SLC25A25: variants seen among roughly 807,000 people sequenced by gnomAD.
The protein encoded by SLC25A25 is mitochondrial adenyl nucleotide antiporter SLC25A25.
In SLC25A25, 32 loss-of-function variants were observed where a neutral mutation model predicts 57.7. That is an observed-to-expected ratio of 0.55 (90% CI 0.42 to 0.74). SLC25A25 has a LOEUF of 0.74. Ranked by LOEUF, SLC25A25 falls within the 30% of genes least tolerant of loss-of-function variation. The pLI, the probability that SLC25A25 is intolerant of heterozygous loss-of-function variation, is 0.00. For synonymous variants in SLC25A25, 306 were observed against 291.2 expected (o/e 1.05, Z -0.52); for missense variants, 556 against 701.3 (o/e 0.79, Z 2.34).
chr9:128,096,047 C>T (rs1296930517), intron 1 of SLC25A25, among the ~76,000 whole-genome samples: 1 of 152,062 alleles, frequency 6.6e-6, no homozygotes, highest in Non-Finnish European at 1.5e-5. Flanking sequence ...ATGAGATATT[C>T]AACAGATCTG....
chr9:128,081,775 T>A (rs931362132), intron 1 of SLC25A25, among the ~76,000 whole-genome samples: 1 of 151,842 alleles, frequency 6.6e-6, no homozygotes, highest in African/African-American at 2.4e-5. Context: ...CAAAAAATTT[T>A]AAAAAATTAG....
Position 128,068,341 on chromosome 9 carries a change from C to A in SLC25A25, c.22C>A (p.Arg8Ser). ...CCCGATGGTGAGCAGTGTGTTGTGC[C>A]GCTGTGTGGCCTCCCCGCCGCCGGA... MVSSVLC[R>S]CVASPPPDAA... The change falls in exon 1 of 11, where the codon CGC becomes AGC. Residue 8 changes from arginine (R) to serine (S), a missense_variant. Coordinates refer to ENST00000373069, the MANE Select transcript of SLC25A25 (RefSeq NM_001330988.2). 6.5e-7 allele frequency: 1 copy of A among 1,531,588 alleles called. No individual in the cohort carries two copies. Among genetic ancestry groups the A allele is most frequent in the Non-Finnish European group, 8.7e-7 (1 of 1,146,482 alleles). 94.9% of individuals were successfully genotyped at this position (1,531,588 alleles called of 1,614,324 possible).
chr9:128,075,054 T>C (rs1292112249), intron 1 of SLC25A25, among the ~76,000 whole-genome samples: 2 of 152,222 alleles, frequency 1.3e-5, no homozygotes, highest in African/African-American at 2.4e-5. Flanking sequence ...GGAAAATTGC[T>C]TGAACCCGGG....
In SLC25A25 at chr9:128,103,294, C is replaced by G. The variant is rs545852535; in HGVS notation, c.625-387C>G. 6.6e-6 allele frequency among the ~76,000 whole-genome samples: 1 copy of G among 152,356 alleles called. No individual in the cohort carries two copies. Among genetic ancestry groups the G allele is most frequent in the African/African-American group, 2.4e-5 (1 of 41,574 alleles). On this transcript the variant is annotated intron_variant, in intron 5 of 10. Coordinates refer to ENST00000373069, the MANE Select transcript of SLC25A25 (RefSeq NM_001330988.2). This position sits in a 1 kb window ranked among gnomAD's most constrained non-coding sequence, Gnocchi z 6.7. ...ATGTTCTGCCAGCGTGATCTGGTTA[C>G]ACGTGAGATCTCAGACGGCTCTCAC...
At chr9:128,086,563 C>T (rs374824520) in intron 1 of SLC25A25, among the ~76,000 whole-genome samples, 1 of 152,062 alleles carries the variant, frequency 6.6e-6, no homozygotes, top group African/African-American at 2.4e-5. Flanking sequence ...GAACTCCCGA[C>T]CTCATGTGAT....
rs1212336218 is a variant in SLC25A25, at chr9:128,102,797, C to T, written c.624+316C>T. Among the ~76,000 whole-genome samples, 1 of 152,226 alleles carries T rather than the reference C, an allele frequency of 6.6e-6. No homozygotes were observed. The highest frequency in any genetic ancestry group is 2.4e-5 in the African/African-American group (1 of 41,458). On this transcript the variant is annotated intron_variant, in intron 5 of 10. Coordinates refer to ENST00000373069, the MANE Select transcript of SLC25A25 (RefSeq NM_001330988.2). This position sits in a 1 kb window ranked among gnomAD's most constrained non-coding sequence, Gnocchi z 4.1. The stretch of plus-strand genomic sequence containing the variant: ...ACCCCTTCCCATGATGCTGTCTGTT[C>T]TCCCAAAGCTGGTATGAGCCTTCCC...
chr9:128,097,625 A>G (rs1185477009), intron 1 of SLC25A25, among the ~76,000 whole-genome samples: 4 of 152,140 alleles, frequency 2.6e-5, no homozygotes, highest in African/African-American at 7.2e-5. Context: ...TTCTGTATTG[A>G]ACAGCAAAGT....
chr9:128,106,121 T>C (rs1369493259), intron 7 of SLC25A25, 29 bp from the exon 8 acceptor site: 7 of 1,613,316 alleles, frequency 4.3e-6, no homozygotes, highest in Non-Finnish European at 5.9e-6. Context: ...TCTGGGTATA[T>C]CAGGTGGTTT....
rs763062143 is a variant in SLC25A25, at chr9:128,105,695, C to G, written c.784-34C>G. The G allele has an allele frequency of 9.3e-6, 15 of 1,611,450 alleles. No homozygotes were observed. The Admixed American group carries it at 1.0e-4, about 11-fold the overall frequency. ...CCGGGTGAGGCAGCCTGTGGCCCCC[C>G]GGGTCCGTCTGACTGTTCGGTCCTC... On this transcript the variant is annotated intron_variant, in intron 6 of 10. Transcript: ENST00000373069.
chr9:128,090,399 G>C, intron 1 of SLC25A25, among the ~76,000 whole-genome samples: 1 of 151,930 alleles, frequency 6.6e-6, no homozygotes, highest in Non-Finnish European at 1.5e-5. Context: ...TTTTAGTAGA[G>C]ACGGGGTTTC....
chr9:128,087,590 A>T (rs1188368757), intron 1 of SLC25A25, among the ~76,000 whole-genome samples: 1 of 152,168 alleles, frequency 6.6e-6, no homozygotes, highest in Non-Finnish European at 1.5e-5. Context: ...TTAGATTTGT[A>T]GATCTGTAGC....
Position 128,102,587 on chromosome 9 carries a change from C to T in SLC25A25, c.624+106C>T. On this transcript the variant is annotated intron_variant, in intron 5 of 10. Coordinates refer to ENST00000373069, the MANE Select transcript of SLC25A25 (RefSeq NM_001330988.2). The surrounding 1 kb of genome is among the most constrained non-coding windows in gnomAD (Gnocchi z 4.1). ...TGCAGCTGGGGCTTTCCAGCCACCT[C>T]CTCTTCCACAGGAGACTGTCCCCTC... 1.2e-6 allele frequency: 1 copy of T among 820,880 alleles called. No homozygotes were observed. Among genetic ancestry groups the T allele is most frequent in the Non-Finnish European group, 1.9e-6 (1 of 516,358 alleles). The allele number at this position is 820,880 out of a possible 1,614,324, so 50.8% of individuals were successfully genotyped here. A position where few individuals can be genotyped will look rare whatever the true frequency, so the allele number is the denominator to read the frequency against.
At chr9:128,087,539 G>GT (rs1433418957) in intron 1 of SLC25A25, among the ~76,000 whole-genome samples, 1 of 152,116 alleles carries the variant, frequency 6.6e-6, no homozygotes, top group Non-Finnish European at 1.5e-5. Context: ...GCCAGAGTTC[G>GT]TTTTTTCGAT....
At chr9:128,091,254 G>A (rs1234850270) in intron 1 of SLC25A25, 1 of 194,786 alleles carries the variant, frequency 5.1e-6, no homozygotes, top group African/African-American at 2.4e-5. Context: ...CCAGCTCAGA[G>A]TGGATTCTGT....
In SLC25A25 at chr9:128,101,000, A is replaced by G. The variant is rs1020972456; in HGVS notation, c.262-96A>G. The G allele has an allele frequency of 3.8e-5, 59 of 1,552,768 alleles. No individual in the cohort carries two copies. The East Asian group carries it at 1.0e-3, about 27-fold the overall frequency. On this transcript the variant is annotated intron_variant, in intron 1 of 10. Coordinates refer to ENST00000373069, the MANE Select transcript of SLC25A25 (RefSeq NM_001330988.2). ...GGTCCTTGGGGCCAGCTCTGCTCGC[A>G]ATTAGTGAAGTCATTGCCTGGGGAT...
intron 1 of SLC25A25, among the ~76,000 whole-genome samples, chr9:128,072,210 T>G (rs1460733090): frequency 6.6e-6 from 1 of 152,234 alleles, no homozygotes; most frequent in African/African-American, 2.4e-5. Flanking sequence ...CTGCCTCTTG[T>G]ACCCCCATAC....
At chr9:128,106,965 C>A in intron 9 of SLC25A25, 64 bp from the exon 10 acceptor site, 2 of 1,561,868 alleles carry the variant, frequency 1.3e-6, no homozygotes, top group Admixed American at 1.7e-5. Context: ...CCAGTAACAG[C>A]CCCGTCTCTT....
intron 1 of SLC25A25, chr9:128,098,639 G>T: frequency 2.5e-6 from 4 of 1,614,112 alleles, no homozygotes; most frequent in Non-Finnish European, 3.4e-6. Flanking sequence ...TGAGTCGAAG[G>T]GGCTCCCTGC....
chr9:128,078,819 ACT>A (rs1198420140), intron 1 of SLC25A25, among the ~76,000 whole-genome samples: 2 of 152,146 alleles, frequency 1.3e-5, no homozygotes, highest in East Asian at 1.9e-4. Flanking sequence ...CAGGATTTTG[ACT>A]CTGCCCCATT....
Sources: gnomAD v4.1 joint callset for allele counts (sites outside exome capture counted in the v4.1 genomes callset) on GRCh38, gnomAD v4.1.1 for gene constraint, Gnocchi (gnomAD v3.1) non-coding constraint, MANE v1.5 for transcripts, NCBI Gene and HGNC (gene_info 2026-07-23, HGNC 2026-07-21) for gene names.